SPMIP7: variants seen among roughly 807,000 people sequenced by gnomAD.
SPMIP7 encodes the protein sperm microtubule inner protein 7.
the SPMIP7 span, among the ~76,000 whole-genome samples, chr7:50,118,333 A>G: frequency 6.6e-6 from 1 of 152,330 alleles, no homozygotes; most frequent in Non-Finnish European, 1.5e-5. Flanking sequence ...AACAGACAGC[A>G]TGATCCAAAT....
At chr7:50,125,247 TACACATATATATACACACATATATATAC>T in the SPMIP7 span, among the ~76,000 whole-genome samples, 1 of 57,984 alleles carries the variant, frequency 1.7e-5, no homozygotes. Flanking sequence ...TACACATATA[TACACATATATATACACACATATATATAC>T]ACATATATAC....
chr7:50,154,397 A>G, the SPMIP7 span, among the ~76,000 whole-genome samples: 1 of 151,718 alleles, frequency 6.6e-6, no homozygotes, highest in African/African-American at 2.4e-5. Context: ...CCGTTGCCTC[A>G]CCCCCCACCG....
the SPMIP7 span, among the ~76,000 whole-genome samples, chr7:50,135,645 A>G: frequency 2.0e-5 from 3 of 152,212 alleles, no homozygotes; most frequent in Admixed American, 6.5e-5. Context: ...TGGTCCTTTC[A>G]TTACACATTC....
chr7:50,149,509 T>A, the SPMIP7 span, among the ~76,000 whole-genome samples: 2 of 152,182 alleles, frequency 1.3e-5, no homozygotes, highest in Non-Finnish European at 2.9e-5. Context: ...GAGTAAAACC[T>A]CACAGTTGGT....
At chr7:50,096,416 A>G in the SPMIP7 span, 1 of 1,551,772 alleles carries the variant, frequency 6.4e-7, no homozygotes, top group South Asian at 1.2e-5. Context: ...TTCAGGGTTT[A>G]TGAGTCCTGG....
the SPMIP7 span, among the ~76,000 whole-genome samples, chr7:50,109,087 A>G: frequency 6.6e-6 from 1 of 152,158 alleles, no homozygotes; most frequent in African/African-American, 2.4e-5. Context: ...GTATTGCACT[A>G]TGTTTTTGAA....
the SPMIP7 span, among the ~76,000 whole-genome samples, chr7:50,115,435 T>G: frequency 6.6e-6 from 1 of 152,170 alleles, no homozygotes; most frequent in East Asian, 1.9e-4. Context: ...ATATGAAAAC[T>G]ATTATGAACT....
the SPMIP7 span, among the ~76,000 whole-genome samples, chr7:50,133,677 C>A: frequency 6.6e-6 from 1 of 152,242 alleles, no homozygotes; most frequent in African/African-American, 2.4e-5. Flanking sequence ...TGGTTCTCAT[C>A]TTCCGGGATC....
chr7:50,098,941 C>T, the SPMIP7 span, among the ~76,000 whole-genome samples: 1 of 152,164 alleles, frequency 6.6e-6, no homozygotes, highest in Non-Finnish European at 1.5e-5. Flanking sequence ...CTGGGATTCA[C>T]TTCATCTTGC....
At chr7:50,141,747 T>TTTTTTTTG in the SPMIP7 span, 1 of 157,668 alleles carries the variant, frequency 6.3e-6, no homozygotes, top group South Asian at 1.6e-4. Context: ...TTTTTTTTTT[T>TTTTTTTTG]GAGACGGAGT....
chr7:50,096,548 A>G, the SPMIP7 span: 1 of 1,551,996 alleles, frequency 6.4e-7, no homozygotes, highest in African/African-American at 1.4e-5. Flanking sequence ...AACAATAAAA[A>G]GGCAAAAAAT....
the SPMIP7 span, among the ~76,000 whole-genome samples, chr7:50,131,040 A>G: frequency 6.6e-6 from 1 of 152,170 alleles, no homozygotes; most frequent in East Asian, 1.9e-4. Flanking sequence ...TGGAAAGATC[A>G]GACTTATACA....
the SPMIP7 span, among the ~76,000 whole-genome samples, chr7:50,128,769 A>T: frequency 6.6e-6 from 1 of 152,038 alleles, no homozygotes. Flanking sequence ...ATTATAATTC[A>T]TGGACAGTAA....
the SPMIP7 span, among the ~76,000 whole-genome samples, chr7:50,098,343 T>G: frequency 1.5e-4 from 23 of 152,344 alleles, no homozygotes; most frequent in Non-Finnish European, 3.1e-4. Context: ...ATTCAGATCC[T>G]TTATAGTACT....
chr7:50,129,687 C>T, the SPMIP7 span: 2 of 1,390,458 alleles, frequency 1.4e-6, no homozygotes, highest in East Asian at 2.5e-5. Flanking sequence ...TATATTTGGT[C>T]TCTTTTAACT....
At chr7:50,152,379 G>T in the SPMIP7 span, among the ~76,000 whole-genome samples, 2 of 152,118 alleles carry the variant, frequency 1.3e-5, no homozygotes, top group African/African-American at 4.8e-5. Flanking sequence ...AATGTTAGAT[G>T]CAAGGTTACT....
chr7:50,102,565 A>C, the SPMIP7 span, among the ~76,000 whole-genome samples: 93 of 152,150 alleles, frequency 6.1e-4, no homozygotes, highest in African/African-American at 2.1e-3. Flanking sequence ...GTCCGCTGAC[A>C]CTCTGTTCTC....
At chr7:50,145,606 GTATA>G in the SPMIP7 span, among the ~76,000 whole-genome samples, 7 of 37,978 alleles carry the variant, frequency 1.8e-4, no homozygotes, top group African/African-American at 6.2e-4. Context: ...GTGTGTGTGT[GTATA>G]TGTGTGTGTA....
the SPMIP7 span, among the ~76,000 whole-genome samples, chr7:50,126,476 A>G: frequency 0.018 from 2,735 of 152,046 alleles, 78 homozygotes; most frequent in African/African-American, 0.062. Context: ...ACAACCACCA[A>G]TCTTATATAG....
Sources: gnomAD v4.1 joint callset for allele counts (sites outside exome capture counted in the v4.1 genomes callset) on GRCh38, gnomAD v4.1.1 for gene constraint, MANE v1.5 for transcripts, NCBI Gene and HGNC (gene_info 2026-07-23, HGNC 2026-07-21) for gene names.